The following SSBP3 variants were observed in gnomAD, a reference collection of about 807,000 sequenced individuals.
SSBP3 encodes single-stranded DNA-binding protein 3.
SSBP3 carries 5 observed loss-of-function variants against 69.6 expected under a neutral mutation model. That is an observed-to-expected ratio of 0.07 (90% CI 0.04 to 0.15). The LOEUF (loss-of-function observed/expected upper bound fraction) is 0.15, where lower values mean the gene tolerates loss of function less well. Ranked by LOEUF, SSBP3 falls within the 10% of genes least tolerant of loss-of-function variation. The pLI is 1.00. For missense variants in SSBP3, 312 were observed against 534.0 expected (o/e 0.58, Z 4.10); for synonymous variants, 196 against 193.4 (o/e 1.01, Z -0.11).
At chr1:54,396,838 G>A (rs892576142) in intron 4 of SSBP3, among the ~76,000 whole-genome samples, 2 of 152,192 alleles carry the variant, frequency 1.3e-5, no homozygotes, top group African/African-American at 2.4e-5. Context: ...TGAAATAAAG[G>A]GCAAGGATTT....
chr1:54,408,276 G>A (rs12068936), upstream of SSBP3, among the ~76,000 whole-genome samples: 1 of 152,204 alleles, frequency 6.6e-6, no homozygotes, highest in Non-Finnish European at 1.5e-5. Flanking sequence ...TACAAGGATA[G>A]GGGAGAGAAG....
At chr1:54,361,997 G>A (rs1646959010) in intron 4 of SSBP3, among the ~76,000 whole-genome samples, 1 of 152,208 alleles carries the variant, frequency 6.6e-6, no homozygotes, top group Admixed American at 6.5e-5. Context: ...AGTTCAGGAA[G>A]GAGAGGTATT....
At chr1:54,228,452 T>C (rs1340303002) in exon 16 of SSBP3, 4 of 1,614,100 alleles carry the variant, frequency 2.5e-6, no homozygotes, top group Non-Finnish European at 2.5e-6. Flanking sequence ...CACTCACTTT[T>C]GGAAGTCCGT....
chr1:54,398,927 G>A (rs1195520503), intron 4 of SSBP3, among the ~76,000 whole-genome samples: 2 of 152,162 alleles, frequency 1.3e-5, no homozygotes, highest in African/African-American at 2.4e-5. Context: ...ATAGAAAACA[G>A]AAGGTCAGTC....
chr1:54,298,087 T>A (rs1158283237), intron 4 of SSBP3, among the ~76,000 whole-genome samples: 1 of 152,124 alleles, frequency 6.6e-6, no homozygotes, highest in African/African-American at 2.4e-5. Flanking sequence ...AGCCTCCGGG[T>A]GCAGGTCAGG....
chr1:54,389,424 C>G (rs537909227), intron 4 of SSBP3, among the ~76,000 whole-genome samples: 1 of 152,264 alleles, frequency 6.6e-6, no homozygotes, highest in Admixed American at 6.5e-5. Context: ...CACAGAGAAG[C>G]ACCGCACCAG....
intron 5 of SSBP3, among the ~76,000 whole-genome samples, chr1:54,271,792 T>A (rs922612088): frequency 6.6e-6 from 1 of 152,300 alleles, no homozygotes; most frequent in South Asian, 2.1e-4. Flanking sequence ...TTTTTTGAGA[T>A]AGAGTCTTGC....
At chr1:54,346,190 C>T (rs1209117400) in intron 4 of SSBP3, among the ~76,000 whole-genome samples, 1 of 151,070 alleles carries the variant, frequency 6.6e-6, no homozygotes, top group East Asian at 1.9e-4. Context: ...CCAGGCGCGG[C>T]ACCATGTGCT....
intron 14 of SSBP3, 42 bp from the exon 15 acceptor site, chr1:54,228,868 G>A (rs1644333781): frequency 1.3e-6 from 2 of 1,588,210 alleles, no homozygotes; most frequent in Non-Finnish European, 1.7e-6. Context: ...GCGGGCCCTG[G>A]CCCTCTGCAC....
upstream of SSBP3, among the ~76,000 whole-genome samples, chr1:54,408,932 G>A (rs1026464391): frequency 2.0e-5 from 3 of 152,124 alleles, no homozygotes; most frequent in Non-Finnish European, 2.9e-5. Flanking sequence ...GAGAGGGCCC[G>A]GGCAGAGAGA....
chr1:54,240,047 G>GGTGT (rs71066910), intron 13 of SSBP3, among the ~76,000 whole-genome samples: 1,426 of 77,502 alleles, frequency 0.018, 18 homozygotes, highest in Admixed American at 0.027. Context: ...ATTGTGATGG[G>GGTGT]GTGTGTGTGT....
chr1:54,331,830 G>T (rs1646416044), intron 4 of SSBP3, among the ~76,000 whole-genome samples: 1 of 152,260 alleles, frequency 6.6e-6, no homozygotes, highest in Admixed American at 6.5e-5. Context: ...CACAGCCAAG[G>T]CAACTGTTCT....
intron 4 of SSBP3, among the ~76,000 whole-genome samples, chr1:54,307,942 A>G (rs554770707): frequency 3.2e-4 from 48 of 152,274 alleles, no homozygotes; most frequent in African/African-American, 1.1e-3. Flanking sequence ...CCATTCTTTT[A>G]TTCCTTTACT....
chr1:54,401,791 T>G, intron 4 of SSBP3, 70 bp downstream of exon 4: 1 of 1,379,180 alleles, frequency 7.3e-7, no homozygotes. Flanking sequence ...CTGTGTTTGC[T>G]TTTCGTACTA....
intron 5 of SSBP3, among the ~76,000 whole-genome samples, chr1:54,269,500 A>T (rs986146759): frequency 6.6e-6 from 1 of 152,224 alleles, no homozygotes; most frequent in African/African-American, 2.4e-5. Flanking sequence ...CCTTTTCTAC[A>T]GCTCCAGAGT....
Position 54,404,652 on chromosome 1 carries a change from G to A in SSBP3, c.130-15C>T, listed in dbSNP as rs1570075789. On this transcript the variant is annotated splice_polypyrimidine_tract_variant and intron_variant, in intron 2 of 17. Transcript: ENST00000610401. Reference sequence around the variant, plus strand: ...TCCCATCGAATCTGGAAAGGTAAGAGCAGAAGCAGCTTAGAGGAGCAGAGA... The same window carrying A: ...TCCCATCGAATCTGGAAAGGTAAGAACAGAAGCAGCTTAGAGGAGCAGAGA... 6.2e-7 allele frequency: 1 copy of A among 1,613,978 alleles called. No individual in the cohort carries two copies. The highest frequency in any genetic ancestry group is 1.1e-5 in the South Asian group (1 of 91,080).
intron 4 of SSBP3, among the ~76,000 whole-genome samples, chr1:54,333,269 T>G (rs550602838): frequency 6.6e-5 from 10 of 152,324 alleles, no homozygotes; most frequent in African/African-American, 2.2e-4. Context: ...GATGGTCTCC[T>G]GCATCCTCCC....
chr1:54,251,825 C>T (rs1216706791), exon 8 of SSBP3: 1 of 1,611,712 alleles, frequency 6.2e-7, no homozygotes, highest in Non-Finnish European at 8.5e-7. Context: ...TAGAATTGGG[C>T]AGCAATGGCT....
At chr1:54,309,362 T>A (rs758683533) in intron 4 of SSBP3, among the ~76,000 whole-genome samples, 1 of 152,212 alleles carries the variant, frequency 6.6e-6, no homozygotes, top group Non-Finnish European at 1.5e-5. Flanking sequence ...CAAGTTGACA[T>A]TGGCGAGTGA....
Sources: allele counts gnomAD v4.1 joint callset (sites outside exome capture counted in the v4.1 genomes callset), GRCh38; gene constraint gnomAD v4.1.1; transcripts MANE v1.5; gene names NCBI Gene and HGNC (gene_info 2026-07-23, HGNC 2026-07-21).